The following NUPR1 variants were observed in gnomAD, a reference collection of about 807,000 sequenced individuals.
The protein encoded by NUPR1 is nuclear protein 1, transcriptional regulator.
Under a neutral mutation model 7.3 loss-of-function variants are expected in NUPR1, and 8 were observed. That is an observed-to-expected ratio of 1.09 (90% CI 0.64 to 1.97). The LOEUF (loss-of-function observed/expected upper bound fraction) is 1.97. Among genes scored for constraint, NUPR1 ranks in the 30% most tolerant of loss-of-function variants. The pLI is 0.00. For synonymous variants in NUPR1, 39 were observed against 44.5 expected (o/e 0.88, Z 0.49); for missense variants, 96 against 111.7 (o/e 0.86, Z 0.63).
rs948030408 is a variant in NUPR1 at position 28,532,963 on chromosome 16, A to C, written c.*4720T>G. The C allele has an allele frequency of 6.6e-6, 1 of 152,152 alleles. No individual in the cohort carries two copies. Among genetic ancestry groups the C allele is most frequent in the Non-Finnish European group, 1.5e-5 (1 of 68,026 alleles). 9.4% of individuals were successfully genotyped at this position (152,152 alleles called of 1,614,324 possible). A position where few individuals can be genotyped will look rare whatever the true frequency, so the allele number is the denominator to read the frequency against. On this transcript the variant is annotated 3_prime_UTR_variant, in exon 3 of 3. Coordinates refer to ENST00000324873, the MANE Select transcript of NUPR1 (RefSeq NM_012385.3). ...GATTAAATGGAGCAAAGCCTATAAA[A>C]CACTTCTCACAGAATAGGAGCTCCA... is the stretch of plus-strand genomic sequence containing the variant.
chr16:28,538,299 C>A, intron 1 of NUPR1, 144 bp from the exon 2 acceptor site: 2 of 1,226,454 alleles, frequency 1.6e-6, no homozygotes, highest in Non-Finnish European at 2.3e-6. Context: ...TGTGGGACCC[C>A]AGATGTGTGT....
Position 28,535,571 on chromosome 16 carries a change from C to CTTTCTTTCTTTCTTTCTTTCCTT in NUPR1, c.*2111_*2112insAAGGAAAGAAAGAAAGAAAGAAA, listed in dbSNP as rs1555472555. The CTTTCTTTCTTTCTTTCTTTCCTT allele has an allele frequency of 8.3e-5, 6 of 71,946 alleles. No homozygotes were observed. The highest frequency in any genetic ancestry group is 3.5e-4 in the African/African-American group (6 of 16,928). The allele number at this position is 71,946 out of a possible 1,614,324, so 4.5% of individuals were successfully genotyped here. ...TCTTTCTTTCTTTCTTTCCTTCCTT[C>CTTTCTTTCTTTCTTTCTTTCCTT]CTTTCTTTCTTTCTTTCTTTCTTTC... is the stretch of plus-strand genomic sequence containing the variant. On this transcript the variant is annotated 3_prime_UTR_variant, in exon 3 of 3. Coordinates refer to ENST00000324873, the MANE Select transcript of NUPR1 (RefSeq NM_012385.3).
rs756305985 is a variant in NUPR1, at chr16:28,538,033, C to A, written c.235G>T (p.Gly79Trp). The A allele has an allele frequency of 6.2e-7, 1 of 1,613,844 alleles. No individual in the cohort carries two copies. Among genetic ancestry groups the A allele is most frequent in the South Asian group, 1.1e-5 (1 of 91,082 alleles). The stretch of plus-strand genomic sequence containing the variant: ...CCAGCTCTGTCTCAGCGCCGTGCCC[C>A]TCGCTTCTTCCTCTCTGAATTCTGC... The part of the protein sequence containing the change: ...KLQNSERKKR[G>W]ARR Residue 79 changes from glycine to tryptophan, a missense_variant, in exon 2 of 3, where the codon GGG becomes TGG. Coordinates refer to ENST00000324873, the MANE Select transcript of NUPR1 (RefSeq NM_012385.3).
chr16:28,538,343 G>T, intron 1 of NUPR1, 188 bp from the exon 2 acceptor site: 1 of 775,584 alleles, frequency 1.3e-6, no homozygotes, highest in Non-Finnish European at 2.1e-6. Flanking sequence ...GCACTCCTGG[G>T]ATAAGGGATT....
intron 1 of NUPR1, chr16:28,538,418 G>T: frequency 1.7e-6 from 1 of 596,566 alleles, no homozygotes; most frequent in Admixed American, 2.9e-5. Context: ...GGCTGGGCAG[G>T]GTGGCTCACT....
intron 1 of NUPR1, 157 bp from the exon 2 acceptor site, chr16:28,538,312 G>A: frequency 9.6e-7 from 1 of 1,045,074 alleles, no homozygotes; most frequent in East Asian, 2.4e-5. Context: ...ATGTGTGTGA[G>A]GTCCCAGGCT....
In NUPR1 at chr16:28,536,413, C is replaced by T. The variant is rs2046623842; in HGVS notation, c.*1270G>A. 1 of 152,142 alleles carries T rather than the reference C, an allele frequency of 6.6e-6. No homozygotes were observed. Among genetic ancestry groups the T allele is most frequent in the African/African-American group, 2.4e-5 (1 of 41,410 alleles). The allele number at this position is 152,142 out of a possible 1,614,324, so 9.4% of individuals were successfully genotyped here. A position where few individuals can be genotyped will look rare whatever the true frequency, so the allele number is the denominator to read the frequency against. ...TGGTGCTCACCTGTAATCCCAGCTA[C>T]TCAGGGGGCGTAGGCACGAGAATTG... On this transcript the variant is annotated 3_prime_UTR_variant, in exon 3 of 3. Coordinates refer to ENST00000324873, the MANE Select transcript of NUPR1 (RefSeq NM_012385.3).
At chr16:28,538,462 G>A in intron 1 of NUPR1, 1 of 574,340 alleles carries the variant, frequency 1.7e-6, no homozygotes, top group Non-Finnish European at 3.1e-6. Flanking sequence ...GGCCAAGGCA[G>A]GAGAATTGCT....
rs1237543681 is a variant in NUPR1 at position 28,535,564 on chromosome 16, C to CTTT, written c.*2118_*2119insAAA. The CTTT allele has an allele frequency of 5.2e-5, 3 of 57,738 alleles. 1 individual carries two copies. The highest frequency in any genetic ancestry group is 7.3e-5 in the Non-Finnish European group (2 of 27,578). 3.6% of individuals were successfully genotyped at this position (57,738 alleles called of 1,614,324 possible). A position where few individuals can be genotyped will look rare whatever the true frequency, so the allele number is the denominator to read the frequency against. ...CTTTCCTTCTTTCTTTCTTTCTTTCCTTCCTTCCTTTCTTTCTTTCTTTCT... is the reference window on the plus strand; with the variant it reads ...CTTTCCTTCTTTCTTTCTTTCTTTCCTTTTTCCTTCCTTTCTTTCTTTCTTTCT... On this transcript the variant is annotated 3_prime_UTR_variant, in exon 3 of 3. Coordinates refer to ENST00000324873, the MANE Select transcript of NUPR1 (RefSeq NM_012385.3).
At chr16:28,538,176 A>C (rs749190811) in intron 1 of NUPR1, 21 bp from the exon 2 acceptor site, 1 of 1,613,732 alleles carries the variant, frequency 6.2e-7, no homozygotes, top group Non-Finnish European at 8.5e-7. Context: ...GGCAGGAGTC[A>C]GAGGTGAAGT....
At chr16:28,538,543 A>G in intron 1 of NUPR1, 1 of 624,118 alleles carries the variant, frequency 1.6e-6, no homozygotes. Context: ...GGTGGTGTAC[A>G]CCTGAAGTTC....
rs183056119 is a variant in NUPR1, at chr16:28,535,039, C to T, written c.*2644G>A. 8.8e-3 allele frequency: 1,342 copies of T among 152,334 alleles called. 7 individuals carry two copies. The highest frequency in any genetic ancestry group is 0.013 in the South Asian group (64 of 4,828). 9.4% of individuals were successfully genotyped at this position (152,334 alleles called of 1,614,324 possible). A position where few individuals can be genotyped will look rare whatever the true frequency, so the allele number is the denominator to read the frequency against. The stretch of plus-strand genomic sequence containing the variant: ...CTCAATCAACAAATAATCTCAGCTC[C>T]AACCACACTTCCTGTTTGCCCCATA... On this transcript the variant is annotated 3_prime_UTR_variant, in exon 3 of 3. Transcript: ENST00000324873.
At chr16:28,537,904 A>G (rs1380103305) in intron 2 of NUPR1, 102 bp downstream of exon 2, 2 of 917,364 alleles carry the variant, frequency 2.2e-6, no homozygotes, top group East Asian at 2.4e-5. Flanking sequence ...CATCAAGACA[A>G]CAGTTGCCTG....
intron 1 of NUPR1, 97 bp downstream of exon 1, chr16:28,538,699 C>T (rs770041958): frequency 2.2e-5 from 22 of 986,632 alleles, no homozygotes; most frequent in Non-Finnish European, 3.1e-5. Flanking sequence ...AAGAAAGAAA[C>T]GAAGAGGAAA....
In NUPR1 at chr16:28,537,155, A is replaced by C. The variant is rs1321626452; in HGVS notation, c.*528T>G. On this transcript the variant is annotated 3_prime_UTR_variant, in exon 3 of 3. Transcript: ENST00000324873. ...GGAGCCCACAGAAATGTATGCACTA[A>C]AATATATGCAAGCAAAAGCAAACAA... 1 of 152,208 alleles carries C rather than the reference A, an allele frequency of 6.6e-6. No homozygotes were observed. Among genetic ancestry groups the C allele is most frequent in the African/African-American group, 2.4e-5 (1 of 41,456 alleles). The allele number at this position is 152,208 out of a possible 1,614,324, so 9.4% of individuals were successfully genotyped here. A position where few individuals can be genotyped will look rare whatever the true frequency, so the allele number is the denominator to read the frequency against.
At position 28,537,129 on chromosome 16, in the gene NUPR1, A is replaced by G. The variant is rs2046629327; in HGVS notation, c.*554T>C. The stretch of plus-strand genomic sequence containing the variant: ...CAGAAGAAATTCCTTTCCACTACGT[A>G]GGAGCCCACAGAAATGTATGCACTA... On this transcript the variant is annotated 3_prime_UTR_variant, in exon 3 of 3. Transcript: ENST00000324873. 6.6e-6 allele frequency: 1 copy of G among 152,264 alleles called. No homozygotes were observed. Among genetic ancestry groups the G allele is most frequent in the East Asian group, 1.9e-4 (1 of 5,202 alleles). The allele number at this position is 152,264 out of a possible 1,614,324, so 9.4% of individuals were successfully genotyped here. A position where few individuals can be genotyped will look rare whatever the true frequency, so the allele number is the denominator to read the frequency against.
intron 1 of NUPR1, 63 bp downstream of exon 1, chr16:28,538,733 G>C: frequency 8.2e-7 from 1 of 1,220,324 alleles, no homozygotes; most frequent in Non-Finnish European, 1.2e-6. Flanking sequence ...GAGGAAACAA[G>C]AGGGGTGGGT....
rs1356403779 is a variant in NUPR1 at position 28,534,913 on chromosome 16, A to T, written c.*2770T>A. 1 of 152,202 alleles carries T rather than the reference A, an allele frequency of 6.6e-6. No individual in the cohort carries two copies. Among genetic ancestry groups the T allele is most frequent in the Non-Finnish European group, 1.5e-5 (1 of 68,044 alleles). The allele number at this position is 152,202 out of a possible 1,614,324, so 9.4% of individuals were successfully genotyped here. ...AAAAATAGCTGGAATCCTCAACACAATGGAGCTGCCATTTGAACCCAGGAG... is the reference window on the plus strand; with the variant it reads ...AAAAATAGCTGGAATCCTCAACACATTGGAGCTGCCATTTGAACCCAGGAG... On this transcript the variant is annotated 3_prime_UTR_variant, in exon 3 of 3. Transcript: ENST00000324873.
At position 28,535,586 on chromosome 16, in the gene NUPR1, T is replaced by TTTCTTTCTTTCTTTCTTTTCGG. The variant is rs1225519169; in HGVS notation, c.*2096_*2097insCCGAAAAGAAAGAAAGAAAGAA. 1 of 42,418 alleles carries TTTCTTTCTTTCTTTCTTTTCGG rather than the reference T, an allele frequency of 2.4e-5. No individual in the cohort carries two copies. Among genetic ancestry groups the TTTCTTTCTTTCTTTCTTTTCGG allele is most frequent in the Admixed American group, 2.6e-4 (1 of 3,824 alleles). 2.6% of individuals were successfully genotyped at this position (42,418 alleles called of 1,614,324 possible). ...TTCCTTCCTTCCTTTCTTTCTTTCTTTCTTTCTTTCTTTCTTTCTTTCTTT... is the reference window on the plus strand; with the variant it reads ...TTCCTTCCTTCCTTTCTTTCTTTCTTTTCTTTCTTTCTTTCTTTTCGGTCTTTCTTTCTTTCTTTCTTTCTTT... On this transcript the variant is annotated 3_prime_UTR_variant, in exon 3 of 3. Coordinates refer to ENST00000324873, the MANE Select transcript of NUPR1 (RefSeq NM_012385.3).
Sources: gnomAD v4.1 joint callset for allele counts on GRCh38, gnomAD v4.1.1 for gene constraint, MANE v1.5 for transcripts, NCBI Gene and HGNC (gene_info 2026-07-23, HGNC 2026-07-21) for gene names.